The following TMPRSS5 variants were observed in gnomAD, a reference collection of about 807,000 sequenced individuals.
TMPRSS5 encodes transmembrane serine protease 5.
Under a neutral mutation model 59.7 loss-of-function variants are expected in TMPRSS5, and 45 were observed. The observed-to-expected ratio is 0.75, with a 90% CI of 0.59 to 0.97. The LOEUF (loss-of-function observed/expected upper bound fraction) is 0.97, where lower values mean the gene tolerates loss of function less well. TMPRSS5 is among the 50% of genes least tolerant of loss of function. TMPRSS5 has a pLI of 0.00. For synonymous variants in TMPRSS5, 225 were observed against 232.0 expected, an observed-to-expected ratio of 0.97 and a Z score of 0.27; for missense variants, 585 against 596.7, an observed-to-expected ratio of 0.98 and a Z score of 0.20.
chr11:113,700,957 A>G (rs1241764779), intron 1 of TMPRSS5, among the ~76,000 whole-genome samples: 1 of 152,118 alleles, frequency 6.6e-6, no homozygotes, highest in Non-Finnish European at 1.5e-5. Context: ...ATGGTTTTAT[A>G]TGGGGCTTTT....
chr11:113,704,488 A>G (rs1004674871), intron 1 of TMPRSS5, among the ~76,000 whole-genome samples: 4 of 152,086 alleles, frequency 2.6e-5, no homozygotes, highest in African/African-American at 7.2e-5. Flanking sequence ...GCTCCATGGC[A>G]TCGCTCACAA....
chr11:113,690,143 C>T, intron 11 of TMPRSS5, 88 bp downstream of exon 11: 1 of 1,475,822 alleles, frequency 6.8e-7, no homozygotes. Context: ...AAGCTCAGAC[C>T]AGGGCAGGGG....
chr11:113,694,682 G>T, intron 7 of TMPRSS5, 42 bp from the exon 8 acceptor site: 1 of 1,503,926 alleles, frequency 6.6e-7, no homozygotes, highest in Admixed American at 2.3e-5. Context: ...AGAGAGAGGT[G>T]AGTGTCAGCA....
At chr11:113,694,663 T>C (rs1952879034) in intron 7 of TMPRSS5, 23 bp from the exon 8 acceptor site, 8 of 1,526,234 alleles carry the variant, frequency 5.2e-6, no homozygotes, top group Non-Finnish European at 7.0e-6. Context: ...ATGGGTGAGA[T>C]AGAAAGAGAG....
At chr11:113,698,193 C>T (rs1047832701) in intron 4 of TMPRSS5, among the ~76,000 whole-genome samples, 1 of 152,146 alleles carries the variant, frequency 6.6e-6, no homozygotes, top group Non-Finnish European at 1.5e-5. Flanking sequence ...GCCACCAGAA[C>T]GGTGAGAAAA....
chr11:113,696,440 C>T (rs991732677), intron 6 of TMPRSS5, among the ~76,000 whole-genome samples: 5 of 152,154 alleles, frequency 3.3e-5, no homozygotes, highest in African/African-American at 1.2e-4. Flanking sequence ...CTGAAATATC[C>T]GAATTATCCA....
chr11:113,701,662 G>C (rs917716965), intron 1 of TMPRSS5, among the ~76,000 whole-genome samples: 1 of 152,054 alleles, frequency 6.6e-6, no homozygotes. Flanking sequence ...CCTTTTTGCA[G>C]TTAACTCCTC....
intron 12 of TMPRSS5, among the ~76,000 whole-genome samples, chr11:113,689,071 C>T (rs1457252331): frequency 3.9e-5 from 6 of 152,116 alleles, no homozygotes; most frequent in South Asian, 2.1e-4. Flanking sequence ...ATAAATAACA[C>T]GATAGGCCGG....
chr11:113,699,268 T>TCTCTCCCTCTCTCTCTCC (rs1953043347), intron 3 of TMPRSS5, among the ~76,000 whole-genome samples: 2 of 66,760 alleles, frequency 3.0e-5, no homozygotes, highest in African/African-American at 1.3e-4. Flanking sequence ...TCTCTCTCTC[T>TCTCTCCCTCTCTCTCTCC]CTCCCTCTCT....
chr11:113,699,400 G>A (rs1042403485), intron 3 of TMPRSS5, among the ~76,000 whole-genome samples, 195 bp downstream of exon 3: 5 of 151,692 alleles, frequency 3.3e-5, no homozygotes, highest in African/African-American at 4.9e-5. Flanking sequence ...GTCTGACTAC[G>A]GCCTCCTTGG....
At chr11:113,704,615 C>A (rs774654683) in intron 1 of TMPRSS5, among the ~76,000 whole-genome samples, 6 of 152,170 alleles carry the variant, frequency 3.9e-5, no homozygotes, top group Non-Finnish European at 8.8e-5. Context: ...TGCCTTCAGG[C>A]ACTCTCACAA....
At position 113,693,020 on chromosome 11, in the gene TMPRSS5, C is replaced by T. The variant is rs1952825379; in HGVS notation, c.964+51G>A. The T allele has an allele frequency of 1.0e-5, 15 of 1,472,820 alleles. No homozygotes were observed. In the Admixed American group the frequency reaches 3.0e-4, roughly 29 times the overall value. 91.2% of individuals were successfully genotyped at this position (1,472,820 alleles called of 1,614,324 possible). A position where few individuals can be genotyped will look rare whatever the true frequency, so the allele number is the denominator to read the frequency against. On this transcript the variant is annotated intron_variant, in intron 9 of 12. Coordinates refer to ENST00000299882, the MANE Select transcript of TMPRSS5 (RefSeq NM_030770.4). ...TCACCACTCTCCCACCCAGCCCCCG[C>T]CCTCTCTCGCCATAGTCTCCAGCCT...
chr11:113,693,428 A>G (rs1375458386), intron 8 of TMPRSS5, among the ~76,000 whole-genome samples, 179 bp from the exon 9 acceptor site: 1 of 152,190 alleles, frequency 6.6e-6, no homozygotes, highest in Non-Finnish European at 1.5e-5. Context: ...CCGGCAAGAC[A>G]CTGGGCATGC....
chr11:113,690,780 C>G, intron 10 of TMPRSS5, 61 bp downstream of exon 10: 1 of 1,462,466 alleles, frequency 6.8e-7, no homozygotes, highest in Non-Finnish European at 9.4e-7. Context: ...CCTTGCCTCA[C>G]CCTGGGGAAG....
chr11:113,688,803 C>T (rs1231732596), intron 12 of TMPRSS5, among the ~76,000 whole-genome samples: 2 of 152,048 alleles, frequency 1.3e-5, no homozygotes, highest in Non-Finnish European at 1.5e-5. Flanking sequence ...CCTCGTGATC[C>T]GCCCACCTCG....
chr11:113,706,110 G>T, intron 1 of TMPRSS5, 112 bp downstream of exon 1: 1 of 1,321,676 alleles, frequency 7.6e-7, no homozygotes, highest in Non-Finnish European at 1.1e-6. Flanking sequence ...CCCTGTACCA[G>T]AGCTGCCTCA....
intron 1 of TMPRSS5, among the ~76,000 whole-genome samples, chr11:113,702,119 C>A (rs1953155872): frequency 6.6e-6 from 1 of 152,152 alleles, no homozygotes; most frequent in Admixed American, 6.5e-5. Context: ...AGGACATTAT[C>A]TCATTCTTTT....
chr11:113,704,920 A>G (rs1260529636), intron 1 of TMPRSS5, among the ~76,000 whole-genome samples: 7 of 151,662 alleles, frequency 4.6e-5, no homozygotes, highest in East Asian at 3.9e-4. Flanking sequence ...AAATAAGATA[A>G]TGTGAATTAA....
At chr11:113,689,080 G>A (rs764738463) in intron 12 of TMPRSS5, among the ~76,000 whole-genome samples, 12 of 152,098 alleles carry the variant, frequency 7.9e-5, no homozygotes, top group Non-Finnish European at 1.3e-4. Context: ...ACGATAGGCC[G>A]GGCACAGTGG....
Sources: allele counts gnomAD v4.1 joint callset (sites outside exome capture counted in the v4.1 genomes callset), GRCh38; gene constraint gnomAD v4.1.1; transcripts MANE v1.5; gene names NCBI Gene and HGNC (gene_info 2026-07-23, HGNC 2026-07-21).